WHRN: variants seen among roughly 807,000 people sequenced by gnomAD.
WHRN encodes CASK-interacting protein CIP98.
In WHRN, 41 loss-of-function variants were observed where a neutral mutation model predicts 68.3. That is an observed-to-expected ratio of 0.60 (90% confidence interval 0.47 to 0.78). The LOEUF (loss-of-function observed/expected upper bound fraction) is 0.78. Among genes scored for constraint, WHRN ranks in the 30% least tolerant of loss-of-function variants. The probability of loss-of-function intolerance (pLI) is 0.00; values close to 1 mark genes in which losing one functional copy is unlikely to be tolerated. For missense variants in WHRN, 1,243 were observed against 1,244.7 expected (o/e 1.00, Z 0.02); for synonymous variants, 560 against 561.3 (o/e 1.00, Z 0.03).
intron 6 of WHRN, among the ~76,000 whole-genome samples, chr9:114,423,761 C>T (rs1354191817): frequency 6.6e-6 from 1 of 152,154 alleles, no homozygotes; most frequent in African/African-American, 2.4e-5. Flanking sequence ...GCTGTGACTC[C>T]CTGGACACAC....
intron 7 of WHRN, among the ~76,000 whole-genome samples, chr9:114,415,754 G>C (rs553728182): frequency 3.9e-5 from 6 of 152,222 alleles, no homozygotes; most frequent in African/African-American, 1.4e-4. Flanking sequence ...ATAGAAGAAG[G>C]AGTGGCTGAA....
At position 114,478,747 on chromosome 9, in the gene WHRN, C is replaced by T. The variant is rs375459436; in HGVS notation, c.643G>A (p.Val215Met). 15 of 1,612,250 alleles carry T rather than the reference C, an allele frequency of 9.3e-6. No individual in the cohort carries two copies. Among genetic ancestry groups the T allele is most frequent in the Non-Finnish European group, 1.2e-5 (14 of 1,179,948 alleles). ...VKALKGSKKL[V>M]LSVYSAGRIP... is the part of the protein sequence containing the mutation. ...CGCCCTGCTGAGTACACAGACAGCA[C>T]CAGCTTCTTGGAGCCCTTCAGAGCC... is the stretch of plus-strand genomic sequence containing the variant. Residue 215 changes from valine to methionine, a missense_variant, in exon 2 of 12, where the codon GTG becomes ATG. By Grantham distance (21) the Val-to-Met change is conservative. Transcript: ENST00000362057.
In WHRN at chr9:114,407,996, G is replaced by A. The variant is rs766198386; in HGVS notation, c.1649C>T (p.Thr550Ile). 2 of 1,603,854 alleles carry A rather than the reference G, an allele frequency of 1.2e-6. No individual in the cohort carries two copies. The highest frequency in any genetic ancestry group is 1.7e-6 in the Non-Finnish European group (2 of 1,174,504). The change falls in exon 8 of 12, where the codon ACT (threonine) becomes ATT (isoleucine). Residue 550 changes from threonine to isoleucine, a missense_variant. Coordinates refer to ENST00000362057, the MANE Select transcript of WHRN (RefSeq NM_015404.4). ...GATATTGCCCTGGACAGCCTCGCCA[G>A]TTTCCTCCAGGTCCAGAGTGTTCTA... ...SARNTLDLEE[T>I]GEAVQGNINA... is the part of the protein sequence containing the mutation.
chr9:114,425,517 C>CT, intron 4 of WHRN: 1 of 313,764 alleles, frequency 3.2e-6, no homozygotes, highest in East Asian at 6.9e-5. Context: ...AACCTGGTAT[C>CT]TTTCTAGATG....
At chr9:114,471,588 C>A (rs917323622) in intron 2 of WHRN, among the ~76,000 whole-genome samples, 1 of 152,214 alleles carries the variant, frequency 6.6e-6, no homozygotes, top group Non-Finnish European at 1.5e-5. Context: ...TGCAACCTGC[C>A]GGGGGCCAGC....
intron 9 of WHRN, among the ~76,000 whole-genome samples, chr9:114,405,205 G>A (rs1834943820): frequency 6.6e-6 from 1 of 151,552 alleles, no homozygotes; most frequent in Admixed American, 6.6e-5. Flanking sequence ...CTTCTGAGTA[G>A]CTGGGACTAC....
intron 3 of WHRN, among the ~76,000 whole-genome samples, chr9:114,440,481 C>T (rs187636657): frequency 5.3e-5 from 8 of 152,194 alleles, no homozygotes; most frequent in East Asian, 1.9e-4. Context: ...TCAGGTGATC[C>T]GCCCACTTCG....
At chr9:114,484,374 C>T (rs982421302) in intron 1 of WHRN, among the ~76,000 whole-genome samples, 3 of 152,232 alleles carry the variant, frequency 2.0e-5, no homozygotes, top group Non-Finnish European at 4.4e-5. Context: ...GAATCAATGG[C>T]ATATTAGCTG....
At chr9:114,423,681 G>A (rs527368517) in intron 6 of WHRN, among the ~76,000 whole-genome samples, 158 bp from the exon 7 acceptor site, 242 of 152,146 alleles carry the variant, frequency 1.6e-3, no homozygotes, top group African/African-American at 5.5e-3. Context: ...GCCAAACACC[G>A]TCACCTGGAC....
chr9:114,414,718 C>T (rs922797301), intron 7 of WHRN, among the ~76,000 whole-genome samples: 1 of 152,258 alleles, frequency 6.6e-6, no homozygotes, highest in Non-Finnish European at 1.5e-5. Flanking sequence ...CCTATTCAGG[C>T]TCCAGGTAAA....
chr9:114,426,858 A>G (rs551516814), intron 3 of WHRN, among the ~76,000 whole-genome samples: 2 of 152,350 alleles, frequency 1.3e-5, no homozygotes, highest in South Asian at 2.1e-4. Context: ...TTAAAATGTA[A>G]ACAAAACTTT....
rs552771993 is a variant in WHRN at position 114,426,499 on chromosome 9, T to C, written c.964-86A>G. On this transcript the variant is annotated intron_variant, in intron 3 of 11. Transcript: ENST00000362057. Reference sequence around the variant, plus strand: ...TTCACAGCCCAGATCCCAATTCTCCTCTGGGCCAGCCTGTCAAGGAGGTCA... The same window carrying C: ...TTCACAGCCCAGATCCCAATTCTCCCCTGGGCCAGCCTGTCAAGGAGGTCA... The C allele has an allele frequency of 1.2e-5, 18 of 1,502,098 alleles. No homozygotes were observed. The East Asian group carries it at 3.6e-4, about 30-fold the overall frequency. The allele number at this position is 1,502,098 out of a possible 1,614,324, so 93.0% of individuals were successfully genotyped here.
Position 114,426,278 on chromosome 9 carries a change from T to C in WHRN, c.1099A>G (p.Thr367Ala), listed in dbSNP as rs1371670994. 1 of 1,613,268 alleles carries C rather than the reference T, an allele frequency of 6.2e-7. No individual in the cohort carries two copies. The highest frequency in any genetic ancestry group is 1.1e-5 in the South Asian group (1 of 91,024). ...KDVGRLPHAR[T>A]TVDETKWIAS... ...ATCCACTTGGTCTCGTCCACAGTGGTGCGGGCATGGGGCAGCCTCCCGACG... is the reference window on the plus strand; with the variant it reads ...ATCCACTTGGTCTCGTCCACAGTGGCGCGGGCATGGGGCAGCCTCCCGACG... Residue 367 changes from threonine to alanine, a missense_variant, in exon 4 of 12, where the codon ACC (threonine) becomes GCC (alanine). Thr to Ala is a moderately conservative substitution (Grantham distance 58, BLOSUM62 0). Transcript: ENST00000362057.
At chr9:114,447,309 C>T (rs931563285) in intron 3 of WHRN, among the ~76,000 whole-genome samples, 1 of 152,190 alleles carries the variant, frequency 6.6e-6, no homozygotes. Context: ...TGGCTCCACA[C>T]GCCCTGGCTG....
intron 5 of WHRN, 54 bp from the exon 6 acceptor site, chr9:114,424,600 T>A (rs2132380085): frequency 1.3e-6 from 2 of 1,542,232 alleles, no homozygotes; most frequent in South Asian, 2.4e-5. Flanking sequence ...TAGAGCTGAG[T>A]GGCCATGCCA....
intron 3 of WHRN, among the ~76,000 whole-genome samples, chr9:114,451,425 C>T (rs559070664): frequency 2.0e-5 from 3 of 152,098 alleles, no homozygotes; most frequent in South Asian, 2.1e-4. Flanking sequence ...GCCAAGAGGA[C>T]GGAGCAAGAT....
intron 3 of WHRN, among the ~76,000 whole-genome samples, chr9:114,439,642 A>G (rs1838196569): frequency 6.6e-6 from 1 of 152,236 alleles, no homozygotes; most frequent in Admixed American, 6.5e-5. Flanking sequence ...ACATAGATAT[A>G]TGTGTGTACA....
At chr9:114,420,967 C>T (rs1280677091) in intron 7 of WHRN, among the ~76,000 whole-genome samples, 1 of 151,960 alleles carries the variant, frequency 6.6e-6, no homozygotes, top group East Asian at 1.9e-4. Flanking sequence ...ACAATTTTCT[C>T]TTAGAATCAC....
chr9:114,444,718 AC>A (rs1009928035), intron 3 of WHRN, among the ~76,000 whole-genome samples: 11 of 151,684 alleles, frequency 7.3e-5, no homozygotes, highest in African/African-American at 2.7e-4. Flanking sequence ...ACATAACCAT[AC>A]TCTGTAACTT....
Sources: gnomAD v4.1 joint callset for allele counts (sites outside exome capture counted in the v4.1 genomes callset) on GRCh38, gnomAD v4.1.1 for gene constraint, MANE v1.5 for transcripts, NCBI Gene and HGNC (gene_info 2026-07-23, HGNC 2026-07-21) for gene names.